Variants in TBATA observed in about 807,000 individuals in gnomAD.
The protein encoded by TBATA is protein TBATA.
In TBATA, 47 loss-of-function variants were observed where a neutral mutation model predicts 38.7. The ratio of observed to expected loss-of-function variants is 1.21; its 90% confidence interval spans 0.96 to 1.55. TBATA has a LOEUF of 1.55. Ranked by LOEUF, TBATA falls within the 40% of genes most tolerant of loss-of-function variation. The probability of loss-of-function intolerance (pLI) is 0.00; values close to 1 mark genes in which losing one functional copy is unlikely to be tolerated. For missense variants in TBATA, 436 were observed against 435.6 expected (o/e 1.00, Z -0.01); for synonymous variants, 183 against 170.5 (o/e 1.07, Z -0.57).
intron 9 of TBATA, among the ~76,000 whole-genome samples, chr10:70,773,465 G>GC (rs397695750): frequency 0.45 from 67,698 of 150,184 alleles, 15,669 homozygotes; most frequent in African/African-American, 0.49. Context: ...AAAAATACAG[G>GC]CCCCCCCGGC....
At chr10:70,773,299 A>T (rs1842967881) in intron 9 of TBATA, among the ~76,000 whole-genome samples, 1 of 152,114 alleles carries the variant, frequency 6.6e-6, no homozygotes, top group Non-Finnish European at 1.5e-5. Context: ...CAAACTTGTC[A>T]TTCCCCAGTT....
At chr10:70,777,372 C>T (rs372045757) in intron 6 of TBATA, 34 bp from the exon 7 acceptor site, 5 of 1,598,034 alleles carry the variant, frequency 3.1e-6, no homozygotes, top group Admixed American at 3.4e-5. Context: ...TCCAGGCAGT[C>T]AGCAAGAGGG....
At chr10:70,778,474 G>T in intron 6 of TBATA, 83 bp downstream of exon 6, 3 of 1,389,320 alleles carry the variant, frequency 2.2e-6, no homozygotes, top group South Asian at 1.2e-5. Flanking sequence ...CTGGTAGGCT[G>T]AACTGACTCG....
intron 3 of TBATA, 40 bp from the exon 4 acceptor site, chr10:70,782,076 T>C (rs1463750475): frequency 6.3e-7 from 1 of 1,599,698 alleles, no homozygotes; most frequent in Non-Finnish European, 8.5e-7. Flanking sequence ...TGGAGTCTCC[T>C]CTGGCAGTGG....
rs764884931 is a variant in TBATA at position 70,778,483 on chromosome 10, C to A, written c.507+74G>T. ...CCACCTCTGGTAGGCTGAACTGACTCGGGAGGGATCTCCTTACACAGGGAA... is the reference window on the plus strand; with the variant it reads ...CCACCTCTGGTAGGCTGAACTGACTAGGGAGGGATCTCCTTACACAGGGAA... On this transcript the variant is annotated intron_variant, in intron 6 of 10. Coordinates refer to ENST00000456372, the MANE Select transcript of TBATA (RefSeq NM_001318241.2). The A allele has an allele frequency of 2.1e-6, 3 of 1,453,786 alleles. No individual in the cohort carries two copies. The Admixed American group carries it at 5.0e-5, about 24-fold the overall frequency. 90.1% of individuals were successfully genotyped at this position (1,453,786 alleles called of 1,614,324 possible).
intron 9 of TBATA, among the ~76,000 whole-genome samples, chr10:70,773,212 A>T (rs1842961177): frequency 6.6e-6 from 1 of 151,964 alleles, no homozygotes; most frequent in African/African-American, 2.4e-5. Flanking sequence ...CCTTGCAAGA[A>T]CCCATGACTT....
chr10:70,782,410 G>A (rs1290023822), intron 3 of TBATA: 2 of 1,303,760 alleles, frequency 1.5e-6, no homozygotes, highest in Non-Finnish European at 2.0e-6. Flanking sequence ...CCCTGGGGAT[G>A]GGGATGGTCT....
At chr10:70,780,950 T>C (rs1844130906) in intron 4 of TBATA, among the ~76,000 whole-genome samples, 1 of 152,216 alleles carries the variant, frequency 6.6e-6, no homozygotes, top group Non-Finnish European at 1.5e-5. Context: ...AGGATGACCT[T>C]GTTAAAACAT....
intron 6 of TBATA, among the ~76,000 whole-genome samples, chr10:70,778,200 G>GC (rs986448440): frequency 1.1e-4 from 17 of 152,078 alleles, no homozygotes; most frequent in African/African-American, 2.9e-4. Flanking sequence ...TGCAAAGTCT[G>GC]CCCCCCCTCA....
rs1843263509 is a variant in TBATA, at chr10:70,775,368, G to T, written c.694-98C>A. Reference sequence around the variant, plus strand: ...GCACCAAGGAGACCCTTCCCCCAAAGTGGGCTCCCAGAGGCGCCTGCTGGG... The same window carrying T: ...GCACCAAGGAGACCCTTCCCCCAAATTGGGCTCCCAGAGGCGCCTGCTGGG... On this transcript the variant is annotated intron_variant, in intron 7 of 10. Transcript: ENST00000456372. 7 of 1,063,074 alleles carry T rather than the reference G, an allele frequency of 6.6e-6. No homozygotes were observed. The Admixed American group carries it at 1.3e-4, about 20-fold the overall frequency. 65.9% of individuals were successfully genotyped at this position (1,063,074 alleles called of 1,614,324 possible).
At position 70,777,320 on chromosome 10, in the gene TBATA, C is replaced by CCTCCTTCTG; in HGVS notation, c.517_525dup (p.Gln173_Glu175dup). ...TTTGCCCCCTGCTCCCGCAGAGGCT[C>CCTCCTTCTG]CTCCTTCTGCTCCTTCTGCTGGGAC... is the stretch of plus-strand genomic sequence containing the variant. On this transcript the variant is annotated inframe_insertion, in exon 7 of 11. Coordinates refer to ENST00000456372, the MANE Select transcript of TBATA (RefSeq NM_001318241.2). 4 of 1,613,444 alleles carry CCTCCTTCTG rather than the reference C, an allele frequency of 2.5e-6. No individual in the cohort carries two copies. The highest frequency in any genetic ancestry group is 3.4e-6 in the Non-Finnish European group (4 of 1,179,812).
intron 7 of TBATA, 48 bp downstream of exon 7, chr10:70,777,105 C>T (rs773121790): frequency 4.4e-6 from 7 of 1,590,284 alleles, no homozygotes; most frequent in Non-Finnish European, 6.0e-6. Flanking sequence ...GTTTGTAAGA[C>T]CCCTAATGTG....
chr10:70,781,946 TG>T lies in TBATA; in HGVS notation c.131del (p.Pro44GlnfsTer13). 1 of 1,614,212 alleles carries T rather than the reference TG, an allele frequency of 6.2e-7. No homozygotes were observed. Among genetic ancestry groups the T allele is most frequent in the Non-Finnish European group, 8.5e-7 (1 of 1,180,022 alleles). ...GGATCCGCTCGAAATCCACAATCCC[TG>T]GGATCACCAGTTCTTTCTGTGGCCC... ...DSGPQKELVI[P>X]GIVDFERIRR... is the part of the protein sequence containing the mutation. On this transcript the variant is annotated frameshift_variant, in exon 4 of 11. Transcript: ENST00000456372. LOFTEE classifies it high-confidence loss of function.
At chr10:70,774,734 C>T (rs1420817291) in intron 8 of TBATA, among the ~76,000 whole-genome samples, 2 of 152,148 alleles carry the variant, frequency 1.3e-5, no homozygotes, top group East Asian at 1.9e-4. Flanking sequence ...CACTCCTCAC[C>T]CTTCTACTCA....
rs886315009 is a variant in TBATA, at chr10:70,783,514, C to T, written c.-135G>A. On this transcript the variant is annotated 5_prime_UTR_variant, in exon 3 of 11. Transcript: ENST00000456372. ...CACGAACTGGTGGTGGAAGTGTAAACGGGAACAGGCACTTTAGGGGGAGAA... is the reference window on the plus strand; with the variant it reads ...CACGAACTGGTGGTGGAAGTGTAAATGGGAACAGGCACTTTAGGGGGAGAA... 27 of 963,244 alleles carry T rather than the reference C, an allele frequency of 2.8e-5. No homozygotes were observed. The highest frequency in any genetic ancestry group is 2.6e-4 in the Middle Eastern group (1 of 3,778). The allele number at this position is 963,244 out of a possible 1,614,324, so 59.7% of individuals were successfully genotyped here.
chr10:70,783,018 T>C (rs1313669131), intron 3 of TBATA, among the ~76,000 whole-genome samples: 1 of 152,262 alleles, frequency 6.6e-6, no homozygotes, highest in African/African-American at 2.4e-5. Flanking sequence ...AAACCTTCTC[T>C]GAAAGTTGCA....
At chr10:70,785,124 C>T (rs1032872499) in intron 1 of TBATA, among the ~76,000 whole-genome samples, 161 bp downstream of exon 1, 3 of 152,152 alleles carry the variant, frequency 2.0e-5, no homozygotes, top group African/African-American at 7.2e-5. Flanking sequence ...CCAGTGTAGT[C>T]TGCCCTGCCC....
intron 4 of TBATA, among the ~76,000 whole-genome samples, 185 bp from the exon 5 acceptor site, chr10:70,779,927 G>A (rs1477815803): frequency 6.6e-6 from 1 of 152,056 alleles, no homozygotes; most frequent in Non-Finnish European, 1.5e-5. Context: ...TCACCCACGG[G>A]GGGATCCTAG....
At chr10:70,782,183 C>T in intron 3 of TBATA, 147 bp from the exon 4 acceptor site, 1 of 1,265,682 alleles carries the variant, frequency 7.9e-7, no homozygotes, top group East Asian at 2.5e-5. Flanking sequence ...CCCCATAGCA[C>T]CAAAAGCTAG....
Sources: allele counts gnomAD v4.1 joint callset (sites outside exome capture counted in the v4.1 genomes callset), GRCh38; gene constraint gnomAD v4.1.1; transcripts MANE v1.5; gene names NCBI Gene and HGNC (gene_info 2026-07-23, HGNC 2026-07-21).